Variants in CACNA2D3 observed in about 807,000 individuals in gnomAD.
CACNA2D3 encodes voltage-dependent calcium channel subunit alpha-2/delta-3.
A neutral mutation model predicts 160.6 loss-of-function variants in CACNA2D3; 60 were observed. The observed-to-expected ratio is 0.37, with a 90% CI of 0.30 to 0.46. The LOEUF (loss-of-function observed/expected upper bound fraction) is 0.46, where lower values mean the gene tolerates loss of function less well. Ranked by LOEUF, CACNA2D3 falls within the 20% of genes least tolerant of loss-of-function variation. The pLI is 1.00. For synonymous variants in CACNA2D3, 558 were observed against 492.9 expected (o/e 1.13, Z -1.75); for missense variants, 1,205 against 1,365.0 (o/e 0.88, Z 1.85).
At chr3:54,802,311 T>C (rs975980962) in intron 13 of CACNA2D3, among the ~76,000 whole-genome samples, 2 of 152,118 alleles carry the variant, frequency 1.3e-5, no homozygotes, top group African/African-American at 4.8e-5. Flanking sequence ...GGGGAGAAGA[T>C]TCCAAGGAGA....
At chr3:54,814,668 T>C (rs943369718) in intron 13 of CACNA2D3, among the ~76,000 whole-genome samples, 1 of 152,224 alleles carries the variant, frequency 6.6e-6, no homozygotes, top group Non-Finnish European at 1.5e-5. Context: ...GAGGAAAATA[T>C]ATGTTTTGTG....
intron 4 of CACNA2D3, among the ~76,000 whole-genome samples, chr3:54,455,153 T>G (rs1700375403): frequency 6.6e-6 from 1 of 152,242 alleles, no homozygotes; most frequent in African/African-American, 2.4e-5. Flanking sequence ...ATTTTGAGTT[T>G]TTTTTGAAGA....
intron 13 of CACNA2D3, among the ~76,000 whole-genome samples, chr3:54,812,434 G>A (rs924409001): frequency 2.6e-5 from 4 of 152,222 alleles, no homozygotes; most frequent in Non-Finnish European, 5.9e-5. Flanking sequence ...TGCCAGGCAA[G>A]TGGAGAGGGG....
chr3:54,262,991 C>T (rs868202229), intron 2 of CACNA2D3, among the ~76,000 whole-genome samples: 4 of 152,134 alleles, frequency 2.6e-5, no homozygotes, highest in African/African-American at 9.7e-5. Flanking sequence ...CCCCTCCACC[C>T]CAGGTAGTCA....
chr3:54,694,285 T>G (rs573477318), intron 11 of CACNA2D3, among the ~76,000 whole-genome samples: 46 of 152,360 alleles, frequency 3.0e-4, no homozygotes, highest in African/African-American at 1.0e-3. Context: ...CTAGGAACAC[T>G]GGGCTGTCCC....
rs1701377431 is a variant in CACNA2D3 at position 54,731,191 on chromosome 3, TACATACTTTTTTCAA to T, written c.1168-21406_1168-21392del. The stretch of plus-strand genomic sequence containing the variant: ...ATAGGCATAGACACACATCTGTATG[TACATACTTTTTTCAA>T]ATTCTCAGACTCACATTTCCTCTAA... On this transcript the variant is annotated intron_variant, in intron 11 of 37. Transcript: ENST00000474759. Among the ~76,000 whole-genome samples the T allele has an allele frequency of 5.3e-5, 8 of 152,300 alleles. No individual in the cohort carries two copies. The South Asian group carries it at 1.5e-3, about 28-fold the overall frequency.
intron 5 of CACNA2D3, among the ~76,000 whole-genome samples, chr3:54,559,840 C>G (rs1398395606): frequency 1.3e-5 from 2 of 152,136 alleles, no homozygotes; most frequent in Non-Finnish European, 2.9e-5. Context: ...TGAGAACAAG[C>G]AGTATTTGGT....
At chr3:54,383,736 T>G (rs1325482011) in intron 3 of CACNA2D3, among the ~76,000 whole-genome samples, 1 of 152,112 alleles carries the variant, frequency 6.6e-6, no homozygotes, top group Non-Finnish European at 1.5e-5. Flanking sequence ...AACTTGAACG[T>G]GAACATAAAA....
At chr3:55,055,563 T>G (rs11130449) in intron 35 of CACNA2D3, among the ~76,000 whole-genome samples, 27,480 of 152,032 alleles carry the variant, frequency 0.18, 2,661 homozygotes, top group Non-Finnish European at 0.19. Flanking sequence ...ATTTTGGAAT[T>G]TTTTTTCTAT....
intron 13 of CACNA2D3, among the ~76,000 whole-genome samples, chr3:54,797,278 A>G (rs577385937): frequency 2.0e-5 from 3 of 152,290 alleles, no homozygotes; most frequent in East Asian, 1.9e-4. Context: ...CCAGGAATGT[A>G]TCTCTCTTTG....
intron 2 of CACNA2D3, among the ~76,000 whole-genome samples, chr3:54,133,770 T>A (rs1396602494): frequency 6.6e-6 from 1 of 152,218 alleles, no homozygotes; most frequent in African/African-American, 2.4e-5. Flanking sequence ...GAGAATCTAA[T>A]TGAATTTGGC....
At chr3:54,562,969 A>G in intron 6 of CACNA2D3, 38 bp downstream of exon 6, 1 of 1,579,022 alleles carries the variant, frequency 6.3e-7, no homozygotes, top group East Asian at 2.3e-5. Context: ...ACTCAGATTA[A>G]TGATAACTGA....
intron 27 of CACNA2D3, among the ~76,000 whole-genome samples, chr3:54,941,422 T>A (rs1325597656): frequency 6.6e-6 from 1 of 152,196 alleles, no homozygotes; most frequent in Non-Finnish European, 1.5e-5. Flanking sequence ...CGGACGCTAT[T>A]TTCAAACTAC....
chr3:54,323,529 C>A (rs1008618813), intron 3 of CACNA2D3, among the ~76,000 whole-genome samples: 2 of 148,344 alleles, frequency 1.3e-5, no homozygotes, highest in Non-Finnish European at 3.0e-5. Flanking sequence ...TGCAGTGATG[C>A]GATCTCAGCT....
intron 4 of CACNA2D3, among the ~76,000 whole-genome samples, chr3:54,463,601 G>T (rs562480106): frequency 1.3e-5 from 2 of 151,934 alleles, no homozygotes; most frequent in African/African-American, 4.8e-5. Context: ...CACAGTTCTC[G>T]AGCCTTGGCT....
At chr3:54,360,188 G>A (rs765827181) in intron 3 of CACNA2D3, among the ~76,000 whole-genome samples, 2 of 152,136 alleles carry the variant, frequency 1.3e-5, no homozygotes, top group Non-Finnish European at 2.9e-5. Context: ...GGCCAGCAAA[G>A]CCAAAAATAT....
intron 2 of CACNA2D3, among the ~76,000 whole-genome samples, chr3:54,169,695 A>ATG (rs36122231): frequency 1.5e-5 from 2 of 131,690 alleles, no homozygotes; most frequent in African/African-American, 2.5e-5. Context: ...ATGTGTGTGC[A>ATG]TGTGTGTGTG....
chr3:54,881,186 C>A (rs560540267), intron 21 of CACNA2D3, among the ~76,000 whole-genome samples: 9 of 152,274 alleles, frequency 5.9e-5, no homozygotes, highest in Admixed American at 5.2e-4. Flanking sequence ...AAATAGGAAT[C>A]ATCCCTCAAG....
chr3:54,897,909 C>G (rs1174724757), intron 26 of CACNA2D3, among the ~76,000 whole-genome samples: 1 of 152,122 alleles, frequency 6.6e-6, no homozygotes, highest in Non-Finnish European at 1.5e-5. Context: ...TGATGAGATT[C>G]TTTGCTGCTT....
Sources: gnomAD v4.1 joint callset for allele counts (sites outside exome capture counted in the v4.1 genomes callset) on GRCh38, gnomAD v4.1.1 for gene constraint, MANE v1.5 for transcripts, NCBI Gene and HGNC (gene_info 2026-07-23, HGNC 2026-07-21) for gene names.